The following C9orf78 variants were observed in gnomAD, a reference collection of about 807,000 sequenced individuals.
C9orf78 encodes chromosome 9 open reading frame 78.
In C9orf78, 19 loss-of-function variants were observed where a neutral mutation model predicts 37.4. The observed-to-expected ratio is 0.51, with a 90% CI of 0.35 to 0.74. C9orf78 has a LOEUF of 0.74. Among genes scored for constraint, C9orf78 ranks in the 30% least tolerant of loss-of-function variants. The pLI, the probability that C9orf78 is intolerant of heterozygous loss-of-function variation, is 0.01. For missense variants in C9orf78, 291 were observed against 370.8 expected, an observed-to-expected ratio of 0.78 and a Z score of 1.77; for synonymous variants, 130 against 128.0, an observed-to-expected ratio of 1.02 and a Z score of -0.10.
intron 2 of C9orf78, 59 bp downstream of exon 2, chr9:129,834,648 C>G: frequency 8.2e-7 from 1 of 1,220,626 alleles, no homozygotes; most frequent in Admixed American, 1.7e-5. Context: ...GACAGCGACC[C>G]GGACGCGGAT....
intron 5 of C9orf78, 91 bp from the exon 6 acceptor site, chr9:129,831,159 A>G (rs1451055100): frequency 1.3e-5 from 10 of 799,508 alleles, no homozygotes; most frequent in Non-Finnish European, 2.2e-5. Flanking sequence ...TGGCCCGCAG[A>G]CCAGTGACAG....
intron 2 of C9orf78, chr9:129,833,942 C>T: frequency 1.9e-6 from 1 of 515,802 alleles, no homozygotes; most frequent in Non-Finnish European, 3.4e-6. Flanking sequence ...TTGCCACTTT[C>T]CTGTAAAGCC....
chr9:129,833,044 CAT>C (rs926802751), intron 4 of C9orf78, among the ~76,000 whole-genome samples: 21 of 141,918 alleles, frequency 1.5e-4, no homozygotes, highest in South Asian at 1.4e-3. Flanking sequence ...TGTGTATATA[CAT>C]ATGTGTATAT....
Position 129,830,647 on chromosome 9 carries a change from G to C in C9orf78, c.542+224C>G, listed in dbSNP as rs538109681. 60 of 497,984 alleles carry C rather than the reference G, an allele frequency of 1.2e-4. No homozygotes were observed. The East Asian group carries it at 2.0e-3, about 16-fold the overall frequency. 30.8% of individuals were successfully genotyped at this position (497,984 alleles called of 1,614,324 possible). A position where few individuals can be genotyped will look rare whatever the true frequency, so the allele number is the denominator to read the frequency against. ...CCTGCCTCAGCCTCCCAAGTAGCTG[G>C]ACTACAGGTGCCTGCCACCATGCCC... is the stretch of plus-strand genomic sequence containing the variant. On this transcript the variant is annotated intron_variant, in intron 6 of 8. Transcript: ENST00000372447.
intron 1 of C9orf78, 168 bp from the exon 2 acceptor site, chr9:129,834,934 G>GC: frequency 3.0e-6 from 2 of 670,800 alleles, no homozygotes; most frequent in Non-Finnish European, 5.1e-6. Context: ...GGGAGTCAGA[G>GC]CCACTGCGCA....
At chr9:129,831,261 C>G in intron 5 of C9orf78, 193 bp from the exon 6 acceptor site, 1 of 595,130 alleles carries the variant, frequency 1.7e-6, no homozygotes. Flanking sequence ...TTATGTCCCA[C>G]TAATCTATTG....
chr9:129,832,611 G>A (rs117177536), intron 4 of C9orf78, among the ~76,000 whole-genome samples: 1 of 152,028 alleles, frequency 6.6e-6, no homozygotes, highest in African/African-American at 2.4e-5. Flanking sequence ...GCTAACTTTT[G>A]TATTTTTAAT....
chr9:129,831,824 G>A, intron 5 of C9orf78, 72 bp downstream of exon 5: 2 of 800,596 alleles, frequency 2.5e-6, no homozygotes, highest in Non-Finnish European at 4.6e-6. Flanking sequence ...AATGTCATCT[G>A]TTGACTAAAT....
chr9:129,834,853 A>G, intron 1 of C9orf78, 87 bp from the exon 2 acceptor site: 1 of 1,041,216 alleles, frequency 9.6e-7, no homozygotes, highest in Non-Finnish European at 1.5e-6. Context: ...GGCACCTTCG[A>G]GGGCATCCCA....
In C9orf78 at chr9:129,829,427, C is replaced by T. The variant is rs1268634591; in HGVS notation, c.657G>A (p.Val219=). Residue 219 remains valine (V), a synonymous_variant, in exon 7 of 9, where the codon GTG becomes GTA. Coordinates refer to ENST00000372447, the MANE Select transcript of C9orf78 (RefSeq NM_016520.3). ...ETSFVPTNMA[V]NYVQHNRFYH... ...TACATCTGTTGTGCTGCACATAATT[C>T]ACAGCCATGTTGGTAGGCACGAAGG... 1 of 1,614,150 alleles carries T rather than the reference C, an allele frequency of 6.2e-7. No individual in the cohort carries two copies. The highest frequency in any genetic ancestry group is 1.1e-5 in the South Asian group (1 of 91,074).
intron 6 of C9orf78, 57 bp downstream of exon 6, chr9:129,830,814 C>G (rs2031474741): frequency 8.0e-7 from 1 of 1,249,424 alleles, no homozygotes; most frequent in Non-Finnish European, 1.2e-6. Context: ...CTGGCCTGTC[C>G]CCCATAACTT....
intron 3 of C9orf78, 63 bp from the exon 4 acceptor site, chr9:129,833,580 T>G (rs771915925): frequency 7.9e-5 from 117 of 1,483,634 alleles, no homozygotes; most frequent in East Asian, 4.7e-4. Flanking sequence ...ATTTTTTTTT[T>G]TGTGAAGCAC....
At chr9:129,830,423 C>T (rs2031463024) in intron 6 of C9orf78, 1 of 178,030 alleles carries the variant, frequency 5.6e-6, no homozygotes, top group South Asian at 1.2e-4. Context: ...AGGCTGATCT[C>T]CTGGCCTCAC....
chr9:129,829,818 A>G (rs2031444454), intron 6 of C9orf78: 1 of 333,910 alleles, frequency 3.0e-6, no homozygotes, highest in East Asian at 5.3e-5. Context: ...AAAAGAGCCC[A>G]GAAGCCTCCC....
intron 5 of C9orf78, chr9:129,831,459 T>C (rs781085018): frequency 9.4e-5 from 24 of 254,738 alleles, no homozygotes; most frequent in Non-Finnish European, 1.4e-4. Context: ...AGTTTCACTC[T>C]TGTTGCCCAG....
chr9:129,831,704 G>C (rs1207116995), intron 5 of C9orf78, 192 bp downstream of exon 5: 8 of 548,340 alleles, frequency 1.5e-5, no homozygotes, highest in Non-Finnish European at 2.3e-5. Context: ...GACTACAGGT[G>C]AGAGCTACCG....
chr9:129,828,411 CTTTT>C (rs58939598), intron 8 of C9orf78, 159 bp from the exon 9 acceptor site: 13 of 394,154 alleles, frequency 3.3e-5, no homozygotes, highest in South Asian at 2.7e-4. Flanking sequence ...ACGTATTTGT[CTTTT>C]TTTTTTTCTT....
chr9:129,833,338 T>C (rs2031559190), intron 4 of C9orf78, 109 bp downstream of exon 4: 2 of 703,336 alleles, frequency 2.8e-6, no homozygotes, highest in Admixed American at 2.4e-5. Flanking sequence ...CAAAACCTGC[T>C]TCAAGATGTC....
chr9:129,831,777 G>A, intron 5 of C9orf78, 119 bp downstream of exon 5: 1 of 731,212 alleles, frequency 1.4e-6, no homozygotes, highest in South Asian at 1.5e-5. Flanking sequence ...AGTAGAAAGA[G>A]AGGGGCCAAC....
Sources: gnomAD v4.1 joint callset for allele counts (sites outside exome capture counted in the v4.1 genomes callset) on GRCh38, gnomAD v4.1.1 for gene constraint, MANE v1.5 for transcripts, NCBI Gene and HGNC (gene_info 2026-07-23, HGNC 2026-07-21) for gene names.